ZNF423: variants seen among roughly 807,000 people sequenced by gnomAD.
ZNF423 encodes the protein Ebf-associated zinc finger protein.
In ZNF423, 12 loss-of-function variants were observed where a neutral mutation model predicts 95.8. That is an observed-to-expected ratio of 0.13 (90% CI 0.08 to 0.20). The LOEUF (loss-of-function observed/expected upper bound fraction) is 0.20. ZNF423 is among the 10% of genes least tolerant of loss of function. ZNF423 has a pLI of 1.00. For missense variants in ZNF423, 1,316 were observed against 1,737.1 expected, an observed-to-expected ratio of 0.76 and a Z score of 4.31; for synonymous variants, 749 against 711.9, an observed-to-expected ratio of 1.05 and a Z score of -0.83.
intron 3 of ZNF423, among the ~76,000 whole-genome samples, chr16:49,705,469 G>A (rs1176936937): frequency 6.6e-6 from 1 of 152,156 alleles, no homozygotes; most frequent in Non-Finnish European, 1.5e-5. Context: ...ATGACTCTCT[G>A]GATCTCTAGG....
chr16:49,638,294 G>A lies in ZNF423; in HGVS notation c.882C>T (p.His294=), dbSNP rs370119954. The A allele has an allele frequency of 7.4e-6, 12 of 1,613,638 alleles. No homozygotes were observed. The Admixed American group carries it at 8.3e-5, about 11-fold the overall frequency. ...EELEKHVLTR[H]PQLSEKADLQ... Reference sequence around the variant, plus strand: ...GGTCCGCCTTCTCGGACAGCTGCGGGTGGCGGGTGAGCACGTGCTTCTCCA... The same window carrying A: ...GGTCCGCCTTCTCGGACAGCTGCGGATGGCGGGTGAGCACGTGCTTCTCCA... The change falls in exon 4 of 8, where the codon CAC becomes CAT. Residue 294 remains histidine, a synonymous_variant. Coordinates refer to ENST00000563137, the MANE Select transcript of ZNF423 (RefSeq NM_001379286.1). This position sits in a 1 kb window ranked among gnomAD's most constrained non-coding sequence, Gnocchi z 5.6.
chr16:49,740,219 T>C (rs1054388625), intron 2 of ZNF423, among the ~76,000 whole-genome samples: 3 of 152,116 alleles, frequency 2.0e-5, no homozygotes, highest in African/African-American at 4.8e-5. Flanking sequence ...CCTGCACGTT[T>C]CCTAAAAACA....
chr16:49,544,709 G>A (rs79028749), intron 5 of ZNF423, among the ~76,000 whole-genome samples: 1,847 of 152,370 alleles, frequency 0.012, 42 homozygotes, highest in African/African-American at 0.041. Context: ...GAAGGCTTGG[G>A]AGGGTTTTCC....
intron 4 of ZNF423, 113 bp from the exon 5 acceptor site, chr16:49,626,367 TC>T: frequency 1.2e-6 from 1 of 864,380 alleles, no homozygotes; most frequent in Non-Finnish European, 1.9e-6. Context: ...TCCAGTCCCC[TC>T]CTAGGTCTCC....
At chr16:49,513,418 AATT>A (rs1439827696) in intron 7 of ZNF423, among the ~76,000 whole-genome samples, 3 of 152,220 alleles carry the variant, frequency 2.0e-5, no homozygotes, top group Admixed American at 6.5e-5. Context: ...TTTGATTTTT[AATT>A]ATTATTAGTT....
chr16:49,648,780 AT>A (rs1458221921), intron 3 of ZNF423, among the ~76,000 whole-genome samples: 1 of 152,220 alleles, frequency 6.6e-6, no homozygotes, highest in Non-Finnish European at 1.5e-5. Context: ...ATGCCAGAGT[AT>A]TGAGTATTCA....
At chr16:49,510,098 C>G (rs1437688836) in intron 7 of ZNF423, among the ~76,000 whole-genome samples, 1 of 152,244 alleles carries the variant, frequency 6.6e-6, no homozygotes, top group African/African-American at 2.4e-5. Flanking sequence ...CTGCTTCTCC[C>G]ATCTGTGAAA....
chr16:49,812,594 C>A (rs1327032432), intron 1 of ZNF423, among the ~76,000 whole-genome samples: 1 of 152,142 alleles, frequency 6.6e-6, no homozygotes, highest in Admixed American at 6.5e-5. Flanking sequence ...GTGGGAGGAT[C>A]TCCTGAGCCT....
intron 3 of ZNF423, among the ~76,000 whole-genome samples, chr16:49,722,572 C>T (rs954134749): frequency 1.2e-4 from 18 of 152,228 alleles, no homozygotes; most frequent in African/African-American, 4.3e-4. Flanking sequence ...CATCTCTAAA[C>T]TTACCCTTCT....
At chr16:49,796,586 G>A in intron 1 of ZNF423, among the ~76,000 whole-genome samples, 1 of 152,208 alleles carries the variant, frequency 6.6e-6, no homozygotes, top group East Asian at 1.9e-4. Context: ...AGAAGGTTCA[G>A]GTCAAAGGCA....
chr16:49,853,715 G>A (rs2035326791), intron 1 of ZNF423: 1 of 985,220 alleles, frequency 1.0e-6, no homozygotes, highest in Non-Finnish European at 1.2e-6. Flanking sequence ...AAAGGCTGAA[G>A]ACCAATTCTT....
At chr16:49,569,077 G>A (rs895790876) in intron 5 of ZNF423, among the ~76,000 whole-genome samples, 4 of 152,248 alleles carry the variant, frequency 2.6e-5, no homozygotes, top group African/African-American at 7.2e-5. Context: ...CACCTACTGC[G>A]CATGCCACTG....
intron 2 of ZNF423, among the ~76,000 whole-genome samples, chr16:49,782,270 C>T (rs1420686089): frequency 6.6e-6 from 1 of 152,250 alleles, no homozygotes; most frequent in Non-Finnish European, 1.5e-5. Context: ...TAAATTCATG[C>T]ATGAGCGGCC....
chr16:49,553,498 C>G (rs921162487), intron 5 of ZNF423, among the ~76,000 whole-genome samples: 7 of 152,050 alleles, frequency 4.6e-5, no homozygotes, highest in African/African-American at 1.7e-4. Flanking sequence ...AGGCATGCAC[C>G]ACCCCCACGG....
In ZNF423 at chr16:49,603,456, CTGGAG is replaced by C. The variant is rs564853157; in HGVS notation, c.3601+22709_3601+22713del. ...CGAAGTCTCACTCTTGTCCCCCCGG[CTGGAG>C]TGCAGTGGTGTGATCTCAGCTTGCT... On this transcript the variant is annotated intron_variant, in intron 5 of 7. Transcript: ENST00000563137. The surrounding 1 kb of genome is among the most constrained non-coding windows in gnomAD (Gnocchi z 4.1). 1.3e-4 allele frequency among the ~76,000 whole-genome samples: 20 copies of C among 152,300 alleles called. No individual in the cohort carries two copies. The East Asian group carries it at 2.1e-3, about 16-fold the overall frequency.
chr16:49,607,674 T>C (rs1426323135), intron 5 of ZNF423, among the ~76,000 whole-genome samples: 1 of 152,260 alleles, frequency 6.6e-6, no homozygotes, highest in African/African-American at 2.4e-5. Flanking sequence ...CACATTCAAC[T>C]GTTAAGTCCA....
chr16:49,690,514 T>C (rs1015408728), intron 3 of ZNF423, among the ~76,000 whole-genome samples: 13 of 152,206 alleles, frequency 8.5e-5, no homozygotes, highest in African/African-American at 3.1e-4. Flanking sequence ...AGACCAAAAC[T>C]CTATCTCTAA....
At chr16:49,796,245 A>G (rs989137794) in intron 1 of ZNF423, among the ~76,000 whole-genome samples, 3 of 140,136 alleles carry the variant, frequency 2.1e-5, no homozygotes, top group African/African-American at 8.1e-5. Flanking sequence ...GCACTAGCAC[A>G]GGCCTTGCCA....
In ZNF423 at chr16:49,637,882, C is replaced by A. The variant is rs375353056; in HGVS notation, c.1294G>T (p.Val432Leu). The change falls in exon 4 of 8, where the codon GTG (valine) becomes TTG (leucine). Residue 432 changes from valine to leucine, a missense_variant. Around this residue, in one of 6 missense-constraint regions of ZNF423, gnomAD observed 399 missense variants for 478.5 expected, o/e 0.83. Coordinates refer to ENST00000563137, the MANE Select transcript of ZNF423 (RefSeq NM_001379286.1). This position sits in a 1 kb window ranked among gnomAD's most constrained non-coding sequence, Gnocchi z 5.6. ...ATGGTCTTCAGGTGGATCTCCAGCACGGCCAGGCTGTTAAAGTCCCGCTTG... is the reference window on the plus strand; with the variant it reads ...ATGGTCTTCAGGTGGATCTCCAGCAAGGCCAGGCTGTTAAAGTCCCGCTTG... ...CSKRDFNSLA[V>L]LEIHLKTIHA... is the part of the protein sequence containing the mutation. 4 of 1,614,002 alleles carry A rather than the reference C, an allele frequency of 2.5e-6. No homozygotes were observed. The South Asian group carries it at 4.4e-5, about 18-fold the overall frequency.
Sources: allele counts gnomAD v4.1 joint callset (sites outside exome capture counted in the v4.1 genomes callset), GRCh38; gene constraint gnomAD v4.1.1; regional missense constraint gnomAD v4.1.1; non-coding constraint Gnocchi (gnomAD v3.1); transcripts MANE v1.5; gene names NCBI Gene and HGNC (gene_info 2026-07-23, HGNC 2026-07-21).